ASPH: variants seen among roughly 807,000 people sequenced by gnomAD.
ASPH encodes the protein aspartate beta-hydroxylase, also known as aspartyl/asparaginyl beta-hydroxylase.
Under a neutral mutation model 118.4 loss-of-function variants are expected in ASPH, and 100 were observed. The observed-to-expected ratio is 0.84, with a 90% confidence interval of 0.72 to 1.00. The LOEUF (loss-of-function observed/expected upper bound fraction) is 1.00, where lower values mean the gene tolerates loss of function less well. Ranked by LOEUF, ASPH falls within the 50% of genes least tolerant of loss-of-function variation. The probability of loss-of-function intolerance (pLI) is 0.00; values close to 1 mark genes in which losing one functional copy is unlikely to be tolerated. For missense variants in ASPH, 920 were observed against 919.5 expected (o/e 1.00, Z -0.01); for synonymous variants, 315 against 325.6 (o/e 0.97, Z 0.35).
intron 3 of ASPH, chr8:61,664,979 A>C (rs1248518198): frequency 8.6e-7 from 1 of 1,168,894 alleles, no homozygotes; most frequent in Non-Finnish European, 1.1e-6. Flanking sequence ...ATCCATAAAA[A>C]TTCATGATAC....
At chr8:61,559,541 T>C (rs921618594) in intron 18 of ASPH, among the ~76,000 whole-genome samples, 1 of 152,162 alleles carries the variant, frequency 6.6e-6, no homozygotes, top group Non-Finnish European at 1.5e-5. Flanking sequence ...GACATTTCTA[T>C]CCCCAGTACA....
intron 20 of ASPH, 68 bp downstream of exon 20, chr8:61,552,962 TC>T: frequency 7.6e-7 from 1 of 1,313,782 alleles, no homozygotes; most frequent in Non-Finnish European, 1.1e-6. Flanking sequence ...ATTCTAACTT[TC>T]CTAGAAATAA....
Position 61,536,037 on chromosome 8 carries a change from C to CTTTT in ASPH, c.1765-9929_1765-9926dup, listed in dbSNP as rs34022613. 1.0e-4 allele frequency among the ~76,000 whole-genome samples: 13 copies of CTTTT among 128,422 alleles called. 1 individual carries two copies. The highest frequency in any genetic ancestry group is 1.2e-4 in the African/African-American group (4 of 34,180). 84.2% of individuals were successfully genotyped at this position (128,422 alleles called of 152,430 possible). ...TATACAGATAAAAGAAAACAGGTGACTTTTTTTTTTTTTTTTTTTGAGACA... is the reference window on the plus strand; with the variant it reads ...TATACAGATAAAAGAAAACAGGTGACTTTTTTTTTTTTTTTTTTTTTTTGAGACA... On this transcript the variant is annotated intron_variant, in intron 21 of 24. Transcript: ENST00000379454.
chr8:61,552,449 T>C (rs1375828054), intron 20 of ASPH, among the ~76,000 whole-genome samples: 1 of 152,244 alleles, frequency 6.6e-6, no homozygotes, highest in African/African-American at 2.4e-5. Flanking sequence ...TCCCTATCAT[T>C]ACTATCACCA....
Position 61,684,179 on chromosome 8 carries a change from T to C in ASPH, c.113A>G (p.His38Arg), listed in dbSNP as rs762430211. 7 of 1,611,792 alleles carry C rather than the reference T, an allele frequency of 4.3e-6. No homozygotes were observed. In the East Asian group the frequency reaches 1.3e-4, roughly 31 times the overall value. The change falls in exon 2 of 25, where the codon CAT becomes CGT. Residue 38 changes from histidine (H) to arginine (R), a missense_variant. Physicochemically the swap from His to Arg is conservative, Grantham distance 29. Coordinates refer to ENST00000379454, the MANE Select transcript of ASPH (RefSeq NM_004318.4). Reference sequence around the variant, plus strand: ...TTTCCTCCCATTCTTGTGTCCTCCATGCTTTGTCTCTGTTTAGAAATAAAT... The same window carrying C: ...TTTCCTCCCATTCTTGTGTCCTCCACGCTTTGTCTCTGTTTAGAAATAAAT... ...SSPGARRETK[H>R]GGHKNGRKGG...
intron 11 of ASPH, 105 bp from the exon 12 acceptor site, chr8:61,638,108 C>A: frequency 7.9e-7 from 1 of 1,266,132 alleles, no homozygotes; most frequent in South Asian, 1.4e-5. Flanking sequence ...CGTGTCCACT[C>A]AGATTGCTAA....
chr8:61,641,708 T>G (rs1324484256), intron 10 of ASPH, among the ~76,000 whole-genome samples: 1 of 152,172 alleles, frequency 6.6e-6, no homozygotes, highest in African/African-American at 2.4e-5. Flanking sequence ...TTTCTTCAAT[T>G]GTGATTCACT....
At chr8:61,712,310 A>G (rs1838242442) in intron 1 of ASPH, among the ~76,000 whole-genome samples, 1 of 152,228 alleles carries the variant, frequency 6.6e-6, no homozygotes, top group African/African-American at 2.4e-5. Context: ...AGCCTACTAT[A>G]CACGACACTG....
At chr8:61,652,443 C>A (rs1314917054) in intron 4 of ASPH, among the ~76,000 whole-genome samples, 1 of 152,154 alleles carries the variant, frequency 6.6e-6, no homozygotes, top group Non-Finnish European at 1.5e-5. Flanking sequence ...GGACTCCATG[C>A]CATTTCAACT....
At chr8:61,634,651 G>A (rs920026603) in intron 12 of ASPH, among the ~76,000 whole-genome samples, 3 of 152,142 alleles carry the variant, frequency 2.0e-5, no homozygotes, top group African/African-American at 7.2e-5. Context: ...GCAGTACAGT[G>A]ACTATTGAAT....
chr8:61,586,731 C>T (rs536965221), intron 14 of ASPH, among the ~76,000 whole-genome samples: 69 of 152,340 alleles, frequency 4.5e-4, no homozygotes, highest in Non-Finnish European at 8.7e-4. Context: ...ATACTTATTT[C>T]GTGTTTCCCA....
chr8:61,558,765 C>T (rs1056139723), intron 18 of ASPH, among the ~76,000 whole-genome samples: 41 of 152,280 alleles, frequency 2.7e-4, no homozygotes, highest in Admixed American at 3.3e-4. Context: ...TTGTAATCAA[C>T]AAACCCTCAG....
intron 3 of ASPH, chr8:61,663,139 C>T (rs75791243): frequency 1.0e-4 from 102 of 985,362 alleles, no homozygotes; most frequent in Admixed American, 2.5e-4. Flanking sequence ...GTTTGAGAAT[C>T]GTGTAACTTT....
chr8:61,669,186 A>AAAT (rs1414372051), intron 3 of ASPH, among the ~76,000 whole-genome samples: 2 of 152,232 alleles, frequency 1.3e-5, no homozygotes, highest in Non-Finnish European at 2.9e-5. Flanking sequence ...TTGCAGCTGT[A>AAAT]AATTGTAAAA....
At chr8:61,668,630 G>C (rs7842421) in intron 3 of ASPH, among the ~76,000 whole-genome samples, 1 of 151,730 alleles carries the variant, frequency 6.6e-6, no homozygotes, top group Non-Finnish European at 1.5e-5. Context: ...AAAAATACTA[G>C]AGTGAAGGAC....
At chr8:61,561,592 G>A (rs1829994199) in intron 18 of ASPH, among the ~76,000 whole-genome samples, 1 of 152,176 alleles carries the variant, frequency 6.6e-6, no homozygotes, top group Admixed American at 6.5e-5. Flanking sequence ...GTCCCTACCA[G>A]AGTATGAAAC....
In ASPH at chr8:61,582,732, TC is replaced by T. The variant is rs527975173; in HGVS notation, c.1062+1211del. On this transcript the variant is annotated intron_variant, in intron 15 of 24. Transcript: ENST00000379454. ...ACGTACATTCTTGTCCCATTTTAGT[TC>T]CTAACCAGTGTTTTTATTGTTGTTT... 1.6e-3 allele frequency among the ~76,000 whole-genome samples: 243 copies of T among 152,360 alleles called. No homozygotes were observed. The Middle Eastern group carries it at 0.017, about 11-fold the overall frequency.
At chr8:61,588,074 C>T (rs1466007064) in intron 14 of ASPH, among the ~76,000 whole-genome samples, 1 of 152,156 alleles carries the variant, frequency 6.6e-6, no homozygotes, top group Non-Finnish European at 1.5e-5. Flanking sequence ...TTTTAAAGTA[C>T]ACCTATAAGG....
rs1805105878 is a variant in ASPH at position 61,502,463 on chromosome 8, G to A, written c.*896C>T. The A allele has an allele frequency of 6.6e-6, 1 of 152,110 alleles. No homozygotes were observed. Among genetic ancestry groups the A allele is most frequent in the Non-Finnish European group, 1.5e-5 (1 of 68,038 alleles). 9.4% of individuals were successfully genotyped at this position (152,110 alleles called of 1,614,324 possible). A position where few individuals can be genotyped will look rare whatever the true frequency, so the allele number is the denominator to read the frequency against. On this transcript the variant is annotated 3_prime_UTR_variant, in exon 25 of 25. Transcript: ENST00000379454. ...GCCTCATGGATGGCAAAGCCGCCAG[G>A]AGCCAGACACCCTAGCAGCCACCTA... is the stretch of plus-strand genomic sequence containing the variant.
Sources: allele counts gnomAD v4.1 joint callset (sites outside exome capture counted in the v4.1 genomes callset), GRCh38; gene constraint gnomAD v4.1.1; transcripts MANE v1.5; gene names NCBI Gene and HGNC (gene_info 2026-07-23, HGNC 2026-07-21).